The following HEMK2 variants were observed in gnomAD, a reference collection of about 807,000 sequenced individuals.
HEMK2 encodes the protein methyltransferase HEMK2.
the HEMK2 span, among the ~76,000 whole-genome samples, chr21:28,677,764 G>A: frequency 2.6e-5 from 4 of 152,192 alleles, no homozygotes; most frequent in South Asian, 2.1e-4. Context: ...TGCAGCCTCC[G>A]CTGCTGATAC....
chr21:28,869,863 C>T, the HEMK2 span, among the ~76,000 whole-genome samples: 2 of 152,170 alleles, frequency 1.3e-5, no homozygotes, highest in Non-Finnish European at 2.9e-5. Flanking sequence ...ACTGTAAGAT[C>T]GTGGCCCAGT....
chr21:28,794,654 T>A, the HEMK2 span, among the ~76,000 whole-genome samples: 7 of 152,256 alleles, frequency 4.6e-5, no homozygotes, highest in African/African-American at 1.7e-4. Flanking sequence ...CCACATATTG[T>A]ATGACAAGCT....
the HEMK2 span, among the ~76,000 whole-genome samples, chr21:28,697,594 C>T: frequency 2.0e-5 from 3 of 152,070 alleles, no homozygotes; most frequent in Non-Finnish European, 4.4e-5. Context: ...TGACTTCTCA[C>T]TCTATTAGTT....
chr21:28,811,761 A>G, the HEMK2 span, among the ~76,000 whole-genome samples: 1 of 152,200 alleles, frequency 6.6e-6, no homozygotes, highest in Non-Finnish European at 1.5e-5. Context: ...TTGCTACATA[A>G]TATGATGCCA....
the HEMK2 span, among the ~76,000 whole-genome samples, chr21:28,879,000 CTAAT>C: frequency 6.8e-6 from 1 of 146,962 alleles, no homozygotes; most frequent in South Asian, 2.1e-4. Context: ...CTCTAACAAT[CTAAT>C]TATATTTTAG....
chr21:28,633,442 C>T, the HEMK2 span, among the ~76,000 whole-genome samples: 1 of 152,242 alleles, frequency 6.6e-6, no homozygotes, highest in South Asian at 2.1e-4. Context: ...TTCTCTGGGT[C>T]TATTTGTTTT....
chr21:28,866,746 AG>A, the HEMK2 span, among the ~76,000 whole-genome samples: 2 of 152,218 alleles, frequency 1.3e-5, no homozygotes, highest in South Asian at 4.1e-4. Flanking sequence ...AAACAAAAAA[AG>A]GAAAGAAAGA....
the HEMK2 span, among the ~76,000 whole-genome samples, chr21:28,760,971 A>G: frequency 2.0e-5 from 3 of 152,120 alleles, no homozygotes; most frequent in African/African-American, 4.8e-5. Context: ...TTCATTTATT[A>G]TTGAGTTTAT....
the HEMK2 span, among the ~76,000 whole-genome samples, chr21:28,598,506 C>T: frequency 6.6e-6 from 1 of 152,182 alleles, no homozygotes; most frequent in African/African-American, 2.4e-5. Flanking sequence ...TAAGCACAAC[C>T]ATGCAACTCC....
At chr21:28,679,192 G>A in the HEMK2 span, among the ~76,000 whole-genome samples, 154 of 152,260 alleles carry the variant, frequency 1.0e-3, 1 homozygote, top group African/African-American at 3.4e-3. Flanking sequence ...ATAAAGGGAT[G>A]GAGGAAGATC....
the HEMK2 span, among the ~76,000 whole-genome samples, chr21:28,678,476 T>C: frequency 2.0e-5 from 3 of 152,112 alleles, no homozygotes; most frequent in Admixed American, 2.0e-4. Flanking sequence ...CTCTGCAGGA[T>C]ATTACCCAGG....
chr21:28,851,275 C>T, the HEMK2 span, among the ~76,000 whole-genome samples: 416 of 152,252 alleles, frequency 2.7e-3, 2 homozygotes, highest in African/African-American at 7.3e-3. Flanking sequence ...TATCTGCCAC[C>T]GACACCTCAA....
At chr21:28,849,859 T>A in the HEMK2 span, among the ~76,000 whole-genome samples, 19 of 152,188 alleles carry the variant, frequency 1.2e-4, no homozygotes, top group African/African-American at 4.6e-4. Context: ...CCAACAAATA[T>A]GGGATTATGT....
chr21:28,597,001 C>A, the HEMK2 span, among the ~76,000 whole-genome samples: 15 of 151,840 alleles, frequency 9.9e-5, no homozygotes, highest in Non-Finnish European at 2.1e-4. Flanking sequence ...AGATCCCAGC[C>A]CTCTATTAAA....
At chr21:28,701,121 A>C in the HEMK2 span, among the ~76,000 whole-genome samples, 1 of 152,108 alleles carries the variant, frequency 6.6e-6, no homozygotes, top group Non-Finnish European at 1.5e-5. Flanking sequence ...AAAACCCTCA[A>C]CTAGGCATTG....
At chr21:28,760,654 CTTTATA>C in the HEMK2 span, among the ~76,000 whole-genome samples, 1 of 152,082 alleles carries the variant, frequency 6.6e-6, no homozygotes, top group Non-Finnish European at 1.5e-5. Context: ...CCGTATCATT[CTTTATA>C]TTTATGACAT....
the HEMK2 span, among the ~76,000 whole-genome samples, chr21:28,634,841 C>T: frequency 2.6e-5 from 4 of 152,104 alleles, no homozygotes; most frequent in East Asian, 3.9e-4. Flanking sequence ...ACACATATTA[C>T]GTGCTATGTG....
the HEMK2 span, among the ~76,000 whole-genome samples, chr21:28,794,979 G>A: frequency 1.1e-4 from 16 of 152,350 alleles, no homozygotes; most frequent in African/African-American, 3.6e-4. Context: ...ATGTGTCAAA[G>A]GCTTAGGTTC....
the HEMK2 span, chr21:28,882,197 C>T: frequency 6.3e-7 from 1 of 1,592,934 alleles, no homozygotes; most frequent in East Asian, 2.2e-5. Context: ...AACTTTGTTA[C>T]AGCGTGCTGT....
Sources: gnomAD v4.1 joint callset for allele counts (sites outside exome capture counted in the v4.1 genomes callset) on GRCh38, gnomAD v4.1.1 for gene constraint, MANE v1.5 for transcripts, NCBI Gene and HGNC (gene_info 2026-07-23, HGNC 2026-07-21) for gene names.